GALNT13: variants seen among roughly 807,000 people sequenced by gnomAD.
GALNT13 encodes the protein polypeptide N-acetylgalactosaminyltransferase 13.
GALNT13 carries 28 observed loss-of-function variants against 64.2 expected under a neutral mutation model. The ratio of observed to expected loss-of-function variants is 0.44; its 90% CI spans 0.32 to 0.60. GALNT13 has a LOEUF of 0.60. Among genes scored for constraint, GALNT13 ranks in the 20% least tolerant of loss-of-function variants. The probability of loss-of-function intolerance (pLI) is 0.05; values close to 1 mark genes in which losing one functional copy is unlikely to be tolerated. For missense variants in GALNT13, 577 were observed against 669.8 expected (o/e 0.86, Z 1.53); for synonymous variants, 214 against 224.6 (o/e 0.95, Z 0.42).
At chr2:154,129,549 A>G (rs1427134152) in intron 3 of GALNT13, among the ~76,000 whole-genome samples, 2 of 152,174 alleles carry the variant, frequency 1.3e-5, no homozygotes, top group African/African-American at 2.4e-5. Flanking sequence ...TTTTCAAAGT[A>G]TGGGGTTTGC....
At chr2:153,231,987 G>A in the GALNT13 span, among the ~76,000 whole-genome samples, 1 of 152,020 alleles carries the variant, frequency 6.6e-6, no homozygotes, top group African/African-American at 2.4e-5. Flanking sequence ...GCTGAGTGGC[G>A]GTTTTGAACT....
chr2:154,288,361 C>T (rs13429286), intron 8 of GALNT13, among the ~76,000 whole-genome samples: 41 of 152,134 alleles, frequency 2.7e-4, no homozygotes, highest in Admixed American at 4.6e-4. Flanking sequence ...CCATATTGTT[C>T]CACCTCTGGC....
chr2:153,708,279 T>C, the GALNT13 span, among the ~76,000 whole-genome samples: 17 of 152,298 alleles, frequency 1.1e-4, no homozygotes, highest in African/African-American at 4.1e-4. Flanking sequence ...ATGAATCTCA[T>C]AGTCTTCATA....
intron 9 of GALNT13, among the ~76,000 whole-genome samples, chr2:154,370,864 T>G (rs1574180044): frequency 6.6e-6 from 1 of 152,082 alleles, no homozygotes; most frequent in Non-Finnish European, 1.5e-5. Context: ...GAAGAAAGTT[T>G]CCATTAAAAC....
chr2:153,907,250 A>G (rs1441660262), intron 2 of GALNT13, among the ~76,000 whole-genome samples: 6 of 151,808 alleles, frequency 4.0e-5, no homozygotes, highest in Non-Finnish European at 8.8e-5. Context: ...TTTTTTGTTT[A>G]GAGGTCTTAT....
the GALNT13 span, chr2:153,423,420 A>G: frequency 1.3e-5 from 2 of 151,930 alleles, no homozygotes; most frequent in Admixed American, 6.5e-5. Flanking sequence ...TTTGTAATAA[A>G]ATGTTAAAAA....
chr2:154,286,951 T>A (rs150156951), intron 8 of GALNT13: 26 of 537,182 alleles, frequency 4.8e-5, no homozygotes, highest in Admixed American at 1.9e-4. Context: ...TGTGCTGCCA[T>A]CCATCACTAC....
At chr2:153,797,570 G>C in the GALNT13 span, among the ~76,000 whole-genome samples, 1 of 152,054 alleles carries the variant, frequency 6.6e-6, no homozygotes, top group Non-Finnish European at 1.5e-5. Flanking sequence ...AGTCTGCATG[G>C]GTAGAGATCA....
chr2:153,659,324 T>C, the GALNT13 span, among the ~76,000 whole-genome samples: 3 of 152,126 alleles, frequency 2.0e-5, no homozygotes, highest in African/African-American at 7.2e-5. Flanking sequence ...CCCTTGAGAT[T>C]AGATTTCACT....
At chr2:154,057,373 A>T (rs10172112) in intron 3 of GALNT13, among the ~76,000 whole-genome samples, 30,514 of 152,182 alleles carry the variant, frequency 0.2, 4,009 homozygotes, top group Middle Eastern at 0.32. Context: ...CAATATGAGT[A>T]TAACCATTCA....
At chr2:153,285,273 C>T in the GALNT13 span, among the ~76,000 whole-genome samples, 10 of 152,078 alleles carry the variant, frequency 6.6e-5, no homozygotes, top group African/African-American at 2.2e-4. Context: ...CTGGTCCCAC[C>T]CTTGATTTGT....
intron 4 of GALNT13, among the ~76,000 whole-genome samples, chr2:154,241,346 C>G (rs1333100007): frequency 6.6e-6 from 1 of 152,080 alleles, no homozygotes; most frequent in African/African-American, 2.4e-5. Context: ...CCCTTCTTCC[C>G]TGTCATTTAA....
intron 4 of GALNT13, among the ~76,000 whole-genome samples, chr2:154,170,480 C>A (rs1685288337): frequency 6.6e-6 from 1 of 152,108 alleles, no homozygotes. Flanking sequence ...TGACTCAGGT[C>A]TACACCTGCT....
At chr2:153,076,639 A>G in the GALNT13 span, among the ~76,000 whole-genome samples, 5 of 151,734 alleles carry the variant, frequency 3.3e-5, no homozygotes, top group African/African-American at 1.2e-4. Context: ...CAAATTTTAT[A>G]CTTTGTCTTA....
chr2:154,145,070 CTCTATCTATCTA>C (rs57991813), intron 4 of GALNT13, among the ~76,000 whole-genome samples: 26 of 136,234 alleles, frequency 1.9e-4, no homozygotes, highest in Admixed American at 1.5e-4. Context: ...CTCTCTCTCT[CTCTATCTATCTA>C]TCTATCTATC....
chr2:154,369,043 G>T (rs1697532255), intron 9 of GALNT13, among the ~76,000 whole-genome samples: 1 of 151,826 alleles, frequency 6.6e-6, no homozygotes. Flanking sequence ...ACTTAATTTA[G>T]TCAAGACAGA....
chr2:153,345,082 A>G, the GALNT13 span, among the ~76,000 whole-genome samples: 1 of 152,202 alleles, frequency 6.6e-6, no homozygotes, highest in African/African-American at 2.4e-5. Flanking sequence ...CAGGGAAAAT[A>G]ATTTCTGAAT....
chr2:154,344,146 T>C (rs1695929981), intron 9 of GALNT13, among the ~76,000 whole-genome samples: 1 of 152,048 alleles, frequency 6.6e-6, no homozygotes, highest in Non-Finnish European at 1.5e-5. Context: ...GTCATTAACC[T>C]CAGATCTAGA....
At chr2:153,289,859 G>T in the GALNT13 span, among the ~76,000 whole-genome samples, 8 of 152,086 alleles carry the variant, frequency 5.3e-5, no homozygotes, top group African/African-American at 1.9e-4. Flanking sequence ...TAGTACCTAA[G>T]AATCCTATTT....
Sources: allele counts gnomAD v4.1 joint callset (sites outside exome capture counted in the v4.1 genomes callset), GRCh38; gene constraint gnomAD v4.1.1; transcripts MANE v1.5; gene names NCBI Gene and HGNC (gene_info 2026-07-23, HGNC 2026-07-21).